Variants in ATG7 observed in about 807,000 individuals in gnomAD.
The protein encoded by ATG7 is autophagy related 7.
A neutral mutation model predicts 82.4 loss-of-function variants in ATG7; 70 were observed. The observed-to-expected ratio is 0.85, with a 90% CI of 0.70 to 1.04. The LOEUF (loss-of-function observed/expected upper bound fraction) is 1.04. Among genes scored for constraint, ATG7 ranks in the 50% least tolerant of loss-of-function variants. The probability of loss-of-function intolerance (pLI) is 0.00; values close to 1 mark genes in which losing one functional copy is unlikely to be tolerated. For missense variants in ATG7, 792 were observed against 864.3 expected (o/e 0.92, Z 1.05); for synonymous variants, 287 against 313.0 (o/e 0.92, Z 0.88).
intron 20 of ATG7, among the ~76,000 whole-genome samples, chr3:11,470,576 A>T (rs994690573): frequency 6.6e-6 from 1 of 152,194 alleles, no homozygotes; most frequent in Non-Finnish European, 1.5e-5. Context: ...GTGCTCTACA[A>T]AATCTATCAT....
rs999802886 is a variant in ATG7, at chr3:11,537,520, T to C, written c.2080-17291T>C. On this transcript the variant is annotated intron_variant, in intron 20 of 20. Transcript: ENST00000693202. Reference sequence around the variant, plus strand: ...GCTGAATGGATGGAGACTTCCTTCATAGAGCCCCATTTTCCTTCCTGATTT... The same window carrying C: ...GCTGAATGGATGGAGACTTCCTTCACAGAGCCCCATTTTCCTTCCTGATTT... Among the ~76,000 whole-genome samples, 11 of 152,348 alleles carry C rather than the reference T, an allele frequency of 7.2e-5. No homozygotes were observed. In the South Asian group the frequency reaches 1.2e-3, roughly 17 times the overall value.
intron 1 of ATG7, among the ~76,000 whole-genome samples, chr3:11,279,146 C>T (rs1007732038): frequency 1.3e-5 from 2 of 152,200 alleles, no homozygotes; most frequent in Non-Finnish European, 2.9e-5. Flanking sequence ...CTCCCTTTCT[C>T]AACCATCAGG....
At chr3:11,406,653 C>A (rs2080370208) in intron 19 of ATG7, among the ~76,000 whole-genome samples, 1 of 152,166 alleles carries the variant, frequency 6.6e-6, no homozygotes, top group Non-Finnish European at 1.5e-5. Flanking sequence ...ACTTACAGTT[C>A]CACATGGCTG....
chr3:11,397,778 CA>C (rs77718218), intron 19 of ATG7, among the ~76,000 whole-genome samples: 149,888 of 149,890 alleles, frequency 1, 74,943 homozygotes, highest in Middle Eastern at 1. Context: ...TTTATAATCA[CA>C]AGTAGAAAAT....
chr3:11,397,174 A>C (rs1181682684), intron 19 of ATG7, among the ~76,000 whole-genome samples: 1 of 152,176 alleles, frequency 6.6e-6, no homozygotes, highest in Non-Finnish European at 1.5e-5. Flanking sequence ...TATACAAGCA[A>C]TATATCTTAA....
intron 18 of ATG7, among the ~76,000 whole-genome samples, chr3:11,376,194 A>G (rs116493398): frequency 0.021 from 3,186 of 152,230 alleles, 56 homozygotes; most frequent in African/African-American, 0.03. Context: ...GAGAGGGGAG[A>G]ATGAGGACTA....
chr3:11,407,922 G>C (rs921748790), intron 19 of ATG7, among the ~76,000 whole-genome samples: 2 of 152,204 alleles, frequency 1.3e-5, no homozygotes, highest in Non-Finnish European at 2.9e-5. Flanking sequence ...ACATGCCCTG[G>C]AGGCATTTTC....
chr3:11,469,976 G>A (rs1414372651), intron 20 of ATG7, among the ~76,000 whole-genome samples: 1 of 106,958 alleles, frequency 9.3e-6, no homozygotes, highest in Non-Finnish European at 1.7e-5. Context: ...GTGACGGAAC[G>A]AGACTCCATC....
chr3:11,354,593 G>C (rs866620123), intron 14 of ATG7, among the ~76,000 whole-genome samples: 1 of 140,126 alleles, frequency 7.1e-6, no homozygotes, highest in African/African-American at 2.7e-5. Context: ...AGGTTGCAGT[G>C]AGCCGAGATC....
At chr3:11,470,670 G>T (rs2087394951) in intron 20 of ATG7, among the ~76,000 whole-genome samples, 1 of 152,126 alleles carries the variant, frequency 6.6e-6, no homozygotes, top group East Asian at 1.9e-4. Flanking sequence ...GTGTGTCAGT[G>T]AACAGGTCTA....
chr3:11,529,912 A>C (rs373592704), intron 20 of ATG7, among the ~76,000 whole-genome samples: 271 of 152,224 alleles, frequency 1.8e-3, no homozygotes, highest in African/African-American at 6.3e-3. Context: ...TACTCACCCT[A>C]GCATGACCCA....
At chr3:11,356,921 T>C (rs1675362912) in intron 14 of ATG7, among the ~76,000 whole-genome samples, 1 of 152,230 alleles carries the variant, frequency 6.6e-6, no homozygotes, top group Admixed American at 6.5e-5. Flanking sequence ...CCTGAAATCC[T>C]TTCTGCCTCA....
chr3:11,473,069 ATAT>A (rs1313394671), intron 20 of ATG7, among the ~76,000 whole-genome samples: 1 of 152,108 alleles, frequency 6.6e-6, no homozygotes, highest in Non-Finnish European at 1.5e-5. Flanking sequence ...TGACTTTCTG[ATAT>A]TCAGCCCTGA....
intron 3 of ATG7, among the ~76,000 whole-genome samples, chr3:11,285,168 G>A (rs1351806343): frequency 1.5e-5 from 2 of 134,128 alleles, no homozygotes; most frequent in Admixed American, 7.7e-5. Flanking sequence ...TTAAAAGCCC[G>A]GCCTTTTTTT....
intron 18 of ATG7, among the ~76,000 whole-genome samples, chr3:11,370,242 G>A (rs2076902367): frequency 6.6e-6 from 1 of 151,326 alleles, no homozygotes; most frequent in East Asian, 1.9e-4. Context: ...TGAGTAGAGA[G>A]GGAGTGGTTG....
Position 11,298,834 on chromosome 3 carries a change from A to G in ATG7, c.139A>G (p.Ile47Val). 6.2e-7 allele frequency: 1 copy of G among 1,614,188 alleles called. No individual in the cohort carries two copies. The highest frequency in any genetic ancestry group is 8.5e-7 in the Non-Finnish European group (1 of 1,180,024). The change falls in exon 4 of 21, where the codon ATT becomes GTT. Residue 47 changes from isoleucine to valine, a missense_variant. Physicochemically the swap from Ile to Val is conservative, Grantham distance 29. Coordinates refer to ENST00000693202, the MANE Select transcript of ATG7 (RefSeq NM_001349232.2). ...EYRLDEAPKD[I>V]KGYYYNGDSA... ...TCGGCTGGATGAAGCTCCCAAGGAC[A>G]TTAAGGGTTATTACTACAATGGTAG...
At chr3:11,431,624 C>T (rs954243186) in intron 20 of ATG7, among the ~76,000 whole-genome samples, 2 of 152,188 alleles carry the variant, frequency 1.3e-5, no homozygotes, top group African/African-American at 4.8e-5. Context: ...CTATTCTGGA[C>T]ACATCACATA....
chr3:11,469,012 C>T (rs760055075), intron 20 of ATG7, among the ~76,000 whole-genome samples: 1 of 152,228 alleles, frequency 6.6e-6, no homozygotes, highest in Non-Finnish European at 1.5e-5. Context: ...TGATGGCTCT[C>T]TCATCTCTTC....
intron 20 of ATG7, among the ~76,000 whole-genome samples, chr3:11,530,176 G>A (rs2092667381): frequency 6.6e-6 from 1 of 152,160 alleles, no homozygotes; most frequent in African/African-American, 2.4e-5. Context: ...TCCCACCTCA[G>A]CAGACATGAC....
Sources: allele counts gnomAD v4.1 joint callset (sites outside exome capture counted in the v4.1 genomes callset), GRCh38; gene constraint gnomAD v4.1.1; transcripts MANE v1.5; gene names NCBI Gene and HGNC (gene_info 2026-07-23, HGNC 2026-07-21).